SRFBP1: variants seen among roughly 807,000 people sequenced by gnomAD.
The protein encoded by SRFBP1 is serum response factor binding protein 1.
Under a neutral mutation model 45.5 loss-of-function variants are expected in SRFBP1, and 47 were observed. The ratio of observed to expected loss-of-function variants is 1.03; its 90% CI spans 0.82 to 1.32. SRFBP1 has a LOEUF of 1.32. Among genes scored for constraint, SRFBP1 ranks in the 40% most tolerant of loss-of-function variants. The pLI, the probability that SRFBP1 is intolerant of heterozygous loss-of-function variation, is 0.00. For missense variants in SRFBP1, 621 were observed against 484.6 expected (o/e 1.28, Z -2.64); for synonymous variants, 203 against 166.3 (o/e 1.22, Z -1.70).
intron 2 of SRFBP1, chr5:122,074,207 C>G (rs1754546849): frequency 6.4e-7 from 1 of 1,572,716 alleles, no homozygotes; most frequent in East Asian, 2.3e-5. Flanking sequence ...TGGTCAGTTA[C>G]ATACAGAGAA....
intron 3 of SRFBP1, among the ~76,000 whole-genome samples, chr5:121,981,527 TTCTGTA>T (rs1483087407): frequency 6.6e-6 from 1 of 151,728 alleles, no homozygotes; most frequent in East Asian, 1.9e-4. Context: ...TCTCTGTTGC[TTCTGTA>T]TCTTCCACTT....
rs377582702 is a variant in SRFBP1 at position 122,070,545 on chromosome 5, G to A, written n.312-4770G>A. Reference sequence around the variant, plus strand: ...CATCTGTAATATCAATCCACTGGCAGTCTATGTCTGCACCATAGGTATCAT... The same window carrying A: ...CATCTGTAATATCAATCCACTGGCAATCTATGTCTGCACCATAGGTATCAT... On this transcript the variant is annotated intron_variant and non_coding_transcript_variant, in intron 2 of 2. Coordinates refer to the SRFBP1 transcript ENST00000504881. 32 of 1,609,244 alleles carry A rather than the reference G, an allele frequency of 2.0e-5. No homozygotes were observed. The African/African-American group carries it at 3.6e-4, about 18-fold the overall frequency.
intron 2 of SRFBP1, among the ~76,000 whole-genome samples, chr5:122,062,446 T>C (rs1313096749): frequency 6.6e-6 from 1 of 151,992 alleles, no homozygotes; most frequent in Non-Finnish European, 1.5e-5. Context: ...AGGAAAGATC[T>C]ACACACCCCT....
chr5:122,078,009 C>T, downstream of SRFBP1: 1 of 1,438,480 alleles, frequency 7.0e-7, no homozygotes, highest in Non-Finnish European at 9.1e-7. Context: ...AGATTGACCC[C>T]GCTCGAGGAG....
chr5:121,969,073 A>C (rs1752135586), intron 1 of SRFBP1, among the ~76,000 whole-genome samples: 1 of 152,190 alleles, frequency 6.6e-6, no homozygotes, highest in Non-Finnish European at 1.5e-5. Context: ...TTTGGACCAA[A>C]GTCTCCTGTC....
downstream of SRFBP1, among the ~76,000 whole-genome samples, chr5:122,030,274 G>A (rs1174047439): frequency 6.6e-6 from 1 of 152,210 alleles, no homozygotes; most frequent in Non-Finnish European, 1.5e-5. Context: ...AAAAATATCT[G>A]AATCTTGAAT....
chr5:122,076,813 C>A (rs569957338), downstream of SRFBP1: 1 of 1,228,992 alleles, frequency 8.1e-7, no homozygotes, highest in Non-Finnish European at 1.2e-6. Context: ...CTGCGCGAAG[C>A]AGTAGCAGTC....
At chr5:122,046,552 G>C (rs1160926416) in intron 2 of SRFBP1, among the ~76,000 whole-genome samples, 2 of 152,138 alleles carry the variant, frequency 1.3e-5, no homozygotes, top group African/African-American at 4.8e-5. Flanking sequence ...AATCCTTTGG[G>C]TATATACCCA....
chr5:122,012,162 T>C (rs1247049032), intron 4 of SRFBP1, among the ~76,000 whole-genome samples: 2 of 152,096 alleles, frequency 1.3e-5, no homozygotes, highest in African/African-American at 4.8e-5. Context: ...GTCTAATTGA[T>C]TGATAAAATC....
chr5:122,044,759 T>C (rs1753829022), intron 2 of SRFBP1, among the ~76,000 whole-genome samples: 1 of 152,070 alleles, frequency 6.6e-6, no homozygotes, highest in African/African-American at 2.4e-5. Flanking sequence ...GGATATTAGA[T>C]CTTTGTTGGA....
At chr5:121,965,829 A>G (rs1320661296) in intron 1 of SRFBP1, among the ~76,000 whole-genome samples, 1 of 152,152 alleles carries the variant, frequency 6.6e-6, no homozygotes, top group Non-Finnish European at 1.5e-5. Context: ...TGAGCATGGA[A>G]TGTTTTTCCA....
At position 122,020,690 on chromosome 5, in the gene SRFBP1, A is replaced by G; in HGVS notation, c.955A>G (p.Thr319Ala). The change falls in exon 6 of 8, where the codon ACA becomes GCA. Residue 319 changes from threonine to alanine, a missense_variant. Thr to Ala is a moderately conservative substitution (Grantham distance 58). Transcript: ENST00000339397. ...PLEKVFLKED[T>A]GETHGDTRND... is the part of the protein sequence containing the mutation. ...AGAAAAAGTGTTTCTTAAAGAAGATACAGGTGAAACTCATGGGGATACAAG... is the reference window on the plus strand; with the variant it reads ...AGAAAAAGTGTTTCTTAAAGAAGATGCAGGTGAAACTCATGGGGATACAAG... The G allele has an allele frequency of 6.2e-7, 1 of 1,614,040 alleles. No individual in the cohort carries two copies. Among genetic ancestry groups the G allele is most frequent in the Non-Finnish European group, 8.5e-7 (1 of 1,179,982 alleles).
intron 2 of SRFBP1, chr5:122,063,503 A>G (rs1043874466): frequency 1.3e-5 from 2 of 151,898 alleles, no homozygotes; most frequent in African/African-American, 4.8e-5. Context: ...TCAGATTTAA[A>G]TAACTCAGCA....
At chr5:122,017,476 T>C in intron 4 of SRFBP1, among the ~76,000 whole-genome samples, 1 of 152,184 alleles carries the variant, frequency 6.6e-6, no homozygotes, top group Non-Finnish European at 1.5e-5. Context: ...CCAGTCTTAC[T>C]GGGCTTAAGA....
chr5:121,972,092 T>C (rs376069035), intron 1 of SRFBP1, among the ~76,000 whole-genome samples: 1 of 151,920 alleles, frequency 6.6e-6, no homozygotes, highest in Non-Finnish European at 1.5e-5. Context: ...GACTCAATCA[T>C]GTTTAAAAAT....
intron 1 of SRFBP1, among the ~76,000 whole-genome samples, chr5:121,973,257 A>G (rs1752236754): frequency 6.6e-6 from 1 of 151,948 alleles, no homozygotes; most frequent in Admixed American, 6.6e-5. Flanking sequence ...CTTTAATGAC[A>G]GAATCTGTAT....
chr5:122,044,825 G>C (rs1032408007), intron 2 of SRFBP1, among the ~76,000 whole-genome samples: 4 of 151,878 alleles, frequency 2.6e-5, no homozygotes, highest in Non-Finnish European at 5.9e-5. Flanking sequence ...TTATTCTGTT[G>C]ATAGTTTCTT....
In SRFBP1 at chr5:122,020,819, A is replaced by G. The variant is rs775371752; in HGVS notation, c.1067+17A>G. ...CTCTAGAAGGTAAGATTCTTTTTCT[A>G]TTCTGAAATAATCATTAGTTCTTTT... On this transcript the variant is annotated intron_variant, in intron 6 of 7. Transcript: ENST00000339397. 2.0e-6 allele frequency: 3 copies of G among 1,514,222 alleles called. No individual in the cohort carries two copies. The highest frequency in any genetic ancestry group is 2.3e-5 in the East Asian group (1 of 43,392). The allele number at this position is 1,514,222 out of a possible 1,614,324, so 93.8% of individuals were successfully genotyped here.
In SRFBP1 at chr5:122,020,319, C is replaced by A; in HGVS notation, c.584C>A (p.Pro195His). Residue 195 changes from proline to histidine, a missense_variant, in exon 6 of 8, where the codon CCT becomes CAT. Physicochemically the swap from Pro to His is moderately conservative, Grantham distance 77. Coordinates refer to ENST00000339397, the MANE Select transcript of SRFBP1 (RefSeq NM_152546.3). ...AAAATAGCAAAGATGGAACATGGAC[C>A]TAAAGCAGTGACTATTGCAAATTCT... is the stretch of plus-strand genomic sequence containing the variant. ...KEKIAKMEHGPKAVTIANSPS... is the reference protein window; with the variant it reads ...KEKIAKMEHGHKAVTIANSPS... 1 of 1,613,556 alleles carries A rather than the reference C, an allele frequency of 6.2e-7. No homozygotes were observed. Among genetic ancestry groups the A allele is most frequent in the Non-Finnish European group, 8.5e-7 (1 of 1,179,888 alleles).
Sources: gnomAD v4.1 joint callset for allele counts (sites outside exome capture counted in the v4.1 genomes callset) on GRCh38, gnomAD v4.1.1 for gene constraint, MANE v1.5 for transcripts, NCBI Gene and HGNC (gene_info 2026-07-23, HGNC 2026-07-21) for gene names.